COL4A1: variants seen among roughly 807,000 people sequenced by gnomAD.
COL4A1 encodes collagen type IV alpha 1 chain.
In COL4A1, 40 loss-of-function variants were observed where a neutral mutation model predicts 216.6. The ratio of observed to expected loss-of-function variants is 0.18; its 90% CI spans 0.14 to 0.24. The LOEUF is 0.24. Among genes scored for constraint, COL4A1 ranks in the 10% least tolerant of loss-of-function variants. COL4A1 has a pLI of 1.00. For missense variants in COL4A1, 1,628 were observed against 2,196.8 expected (o/e 0.74, Z 5.18); for synonymous variants, 839 against 810.7 (o/e 1.03, Z -0.59).
At chr13:110,181,176 A>C in intron 29 of COL4A1, 116 bp downstream of exon 29, 3 of 976,724 alleles carry the variant, frequency 3.1e-6, no homozygotes, top group Non-Finnish European at 4.8e-6. Flanking sequence ...TATTTCATCA[A>C]AAACAAAAAT....
intron 23 of COL4A1, among the ~76,000 whole-genome samples, chr13:110,192,556 T>C (rs984234756): frequency 1.8e-4 from 27 of 152,104 alleles, no homozygotes; most frequent in African/African-American, 6.0e-4. Flanking sequence ...AGGAAAAACA[T>C]GAATTCCATT....
rs940238861 is a variant in COL4A1, at chr13:110,183,282, G to C, written c.1898-6C>G. On this transcript the variant is annotated splice_region_variant and splice_polypyrimidine_tract_variant and intron_variant, in intron 26 of 51. Transcript: ENST00000375820. ...TCCTGGTTCACCCTTTGGACCTAGA[G>C]GAAAAAAAGAGCAAAGACAAACGAT... 6.2e-7 allele frequency: 1 copy of C among 1,611,562 alleles called. No individual in the cohort carries two copies. Among genetic ancestry groups the C allele is most frequent in the Non-Finnish European group, 8.5e-7 (1 of 1,179,144 alleles).
chr13:110,152,287 G>A (rs1474621574), intron 51 of COL4A1, 47 bp downstream of exon 51: 1 of 1,610,420 alleles, frequency 6.2e-7, no homozygotes, highest in East Asian at 2.2e-5. Context: ...AAAAAATAAA[G>A]TCACAAAGGG....
At chr13:110,191,204 T>C (rs1299323510) in intron 24 of COL4A1, 1 of 153,194 alleles carries the variant, frequency 6.5e-6, no homozygotes, top group Non-Finnish European at 1.5e-5. Context: ...CAGAAAATGA[T>C]TGCTGAATTC....
chr13:110,298,277 T>TGA (rs1481438982), intron 1 of COL4A1, among the ~76,000 whole-genome samples: 1 of 152,212 alleles, frequency 6.6e-6, no homozygotes, highest in Non-Finnish European at 1.5e-5. Context: ...CTTTAACAAT[T>TGA]GATAAAAAGC....
chr13:110,212,524 T>G lies in COL4A1; in HGVS notation c.325-45A>C. On this transcript the variant is annotated intron_variant, in intron 5 of 51. Transcript: ENST00000375820. The stretch of plus-strand genomic sequence containing the variant: ...AATGTAACCCAGGCAGAAAATCGCC[T>G]GATGGAAGAATATTTCATAAAAGAA... The G allele has an allele frequency of 1.2e-6, 2 of 1,614,186 alleles. 1 individual carries two copies. Among genetic ancestry groups the G allele is most frequent in the South Asian group, 2.2e-5 (2 of 91,086 alleles).
chr13:110,242,848 C>G lies in COL4A1; in HGVS notation c.85-114G>C, dbSNP rs1008521890. The G allele has an allele frequency of 6.2e-6, 7 of 1,133,404 alleles. No individual in the cohort carries two copies. The Admixed American group carries it at 1.2e-4, about 19-fold the overall frequency. The allele number at this position is 1,133,404 out of a possible 1,614,324, so 70.2% of individuals were successfully genotyped here. On this transcript the variant is annotated intron_variant, in intron 1 of 51. Transcript: ENST00000375820. ...TGTTTATGAGCGAAGCCTGCCCTGT[C>G]CTTCGGACACAATCTTATCTGCACT...
intron 1 of COL4A1, among the ~76,000 whole-genome samples, chr13:110,254,111 A>C (rs1882404209): frequency 6.6e-6 from 1 of 152,158 alleles, no homozygotes; most frequent in Non-Finnish European, 1.5e-5. Flanking sequence ...AGAACTCCCA[A>C]CTGGGTCTAG....
intron 26 of COL4A1, among the ~76,000 whole-genome samples, chr13:110,185,068 G>A (rs528122625): frequency 3.3e-4 from 50 of 152,222 alleles, no homozygotes; most frequent in African/African-American, 4.6e-4. Flanking sequence ...GCACACTTGC[G>A]AGCCAGAACG....
intron 1 of COL4A1, among the ~76,000 whole-genome samples, chr13:110,302,886 A>T (rs527352042): frequency 2.4e-4 from 36 of 152,218 alleles, no homozygotes; most frequent in Non-Finnish European, 4.4e-4. Context: ...TAGCCCAAGA[A>T]CTCAAAATAC....
At chr13:110,188,788 T>C (rs1411320226) in intron 24 of COL4A1, among the ~76,000 whole-genome samples, 1 of 152,154 alleles carries the variant, frequency 6.6e-6, no homozygotes, top group Non-Finnish European at 1.5e-5. Flanking sequence ...GCAGACTTGC[T>C]TTCCTGCCTG....
intron 43 of COL4A1, among the ~76,000 whole-genome samples, chr13:110,167,688 A>G (rs1877408683): frequency 6.6e-6 from 1 of 152,220 alleles, no homozygotes; most frequent in Non-Finnish European, 1.5e-5. Context: ...CTGAAAACTG[A>G]TTTTAAATAT....
intron 1 of COL4A1, among the ~76,000 whole-genome samples, chr13:110,283,525 C>T (rs1883721034): frequency 6.6e-6 from 1 of 152,250 alleles, no homozygotes; most frequent in Non-Finnish European, 1.5e-5. Context: ...CACACACGCA[C>T]ATGTGCACCT....
At chr13:110,173,324 G>C (rs1267750942) in intron 40 of COL4A1, among the ~76,000 whole-genome samples, 1 of 152,094 alleles carries the variant, frequency 6.6e-6, no homozygotes, top group African/African-American at 2.4e-5. Context: ...GATGCTCTTG[G>C]TGGTCCTCCC....
intron 1 of COL4A1, among the ~76,000 whole-genome samples, chr13:110,290,919 A>AG (rs1164002079): frequency 1.3e-5 from 2 of 152,226 alleles, no homozygotes; most frequent in Non-Finnish European, 2.9e-5. Flanking sequence ...GAAACTCGGC[A>AG]GGGGGGTCGC....
intron 39 of COL4A1, 103 bp from the exon 40 acceptor site, chr13:110,174,101 CT>C: frequency 2.4e-6 from 3 of 1,265,626 alleles, no homozygotes; most frequent in Admixed American, 3.8e-5. Context: ...GAGCTGTTCC[CT>C]CCCAAGCACA....
chr13:110,204,101 A>C (rs568354249), intron 17 of COL4A1, among the ~76,000 whole-genome samples: 1 of 152,366 alleles, frequency 6.6e-6, no homozygotes, highest in East Asian at 1.9e-4. Flanking sequence ...AACTGAAAAC[A>C]TTAGTGGATA....
chr13:110,216,986 G>A (rs1478725397), intron 2 of COL4A1, among the ~76,000 whole-genome samples: 1 of 152,150 alleles, frequency 6.6e-6, no homozygotes, highest in Non-Finnish European at 1.5e-5. Flanking sequence ...AGCAATCTGT[G>A]TATCCCCAGA....
intron 8 of COL4A1, among the ~76,000 whole-genome samples, chr13:110,210,472 GC>G (rs1879740578): frequency 6.6e-6 from 1 of 150,588 alleles, no homozygotes; most frequent in South Asian, 2.1e-4. Context: ...AAAGGGGTCT[GC>G]CACACTGCCC....
Sources: gnomAD v4.1 joint callset for allele counts (sites outside exome capture counted in the v4.1 genomes callset) on GRCh38, gnomAD v4.1.1 for gene constraint, MANE v1.5 for transcripts, NCBI Gene and HGNC (gene_info 2026-07-23, HGNC 2026-07-21) for gene names.